The following ZNF93 variants were observed in gnomAD, a reference collection of about 807,000 sequenced individuals.
ZNF93 encodes the protein zinc finger protein 93, also known as zinc finger protein 505.
A neutral mutation model predicts 45.0 loss-of-function variants in ZNF93; 29 were observed. That is an observed-to-expected ratio of 0.64 (90% CI 0.48 to 0.88). The LOEUF (loss-of-function observed/expected upper bound fraction) is 0.88, where lower values mean the gene tolerates loss of function less well. ZNF93 is among the 40% of genes least tolerant of loss of function. ZNF93 has a pLI of 0.00. For missense variants in ZNF93, 578 were observed against 724.0 expected (o/e 0.80, Z 2.31); for synonymous variants, 223 against 244.6 (o/e 0.91, Z 0.82).
intron 3 of ZNF93, among the ~76,000 whole-genome samples, chr19:19,928,024 G>A (rs1052107158): frequency 1.3e-5 from 2 of 152,180 alleles, no homozygotes; most frequent in Non-Finnish European, 2.9e-5. Context: ...TAGGATTACA[G>A]GCTTGAGACA....
rs781115273 is a variant in ZNF93, at chr19:19,934,256, T to C, written c.1301T>C (p.Phe434Ser). Residue 434 changes from phenylalanine to serine, a missense_variant, in exon 4 of 4, where the codon TTT (phenylalanine) becomes TCT (serine). Physicochemically the swap from Phe to Ser is radical, Grantham distance 155. This residue lies in a region of ZNF93 where 446 missense variants were observed against 547.6 expected (regional missense o/e 0.81). Coordinates refer to ENST00000343769, the MANE Select transcript of ZNF93 (RefSeq NM_031218.4). The stretch of plus-strand genomic sequence containing the variant: ...AAATGTGAAGAATGTGGCAAAGCCT[T>C]TGTTGCATCCTCAACCCTTAGTAAA... ...PYKCEECGKAFVASSTLSKHE... is the reference protein window; with the variant it reads ...PYKCEECGKASVASSTLSKHE... 2 of 1,612,644 alleles carry C rather than the reference T, an allele frequency of 1.2e-6. No homozygotes were observed. Among genetic ancestry groups the C allele is most frequent in the African/African-American group, 2.7e-5 (2 of 74,888 alleles).
At chr19:19,901,115 C>T in intron 1 of ZNF93, 24 bp downstream of exon 1, 3 of 1,613,380 alleles carry the variant, frequency 1.9e-6, no homozygotes, top group Non-Finnish European at 2.5e-6. Context: ...TCCGACATCC[C>T]AAGCGACGGG....
At chr19:19,932,928 C>T (rs974156225) in intron 3 of ZNF93, 1 of 250,240 alleles carries the variant, frequency 4.0e-6, no homozygotes, top group Non-Finnish European at 7.5e-6. Context: ...GCAGTAAAGA[C>T]ATCTTCAAAA....
chr19:19,912,283 T>A (rs1304193005), intron 1 of ZNF93, among the ~76,000 whole-genome samples: 3 of 152,134 alleles, frequency 2.0e-5, no homozygotes, highest in African/African-American at 7.2e-5. Flanking sequence ...AGAACAGAAT[T>A]CTACATAGGG....
Position 19,934,642 on chromosome 19 carries a change from A to G in ZNF93, c.1687A>G (p.Lys563Glu). ...ACATAAGATACTTCATACTGGAGAG[A>G]AACCTTATAGATGTAGAGAATGTGG... is the stretch of plus-strand genomic sequence containing the variant. ...TTHKILHTGE[K>E]PYRCRECGKA... is the part of the protein sequence containing the mutation. The change falls in exon 4 of 4, where the codon AAA (lysine) becomes GAA (glutamate). Residue 563 changes from lysine (K) to glutamate (E), a missense_variant. Around this residue, in one of 3 missense-constraint regions of ZNF93, gnomAD observed 119 missense variants for 123.1 expected, o/e 0.97. Coordinates refer to ENST00000343769, the MANE Select transcript of ZNF93 (RefSeq NM_031218.4). The G allele has an allele frequency of 6.2e-7, 1 of 1,613,780 alleles. No individual in the cohort carries two copies. The highest frequency in any genetic ancestry group is 8.5e-7 in the Non-Finnish European group (1 of 1,179,898).
At chr19:19,930,047 A>G (rs2063368708) in intron 3 of ZNF93, among the ~76,000 whole-genome samples, 1 of 151,856 alleles carries the variant, frequency 6.6e-6, no homozygotes, top group South Asian at 2.1e-4. Flanking sequence ...GTGGAGACCG[A>G]TAGTGGCCCC....
At chr19:19,911,052 G>A (rs10423312) in intron 1 of ZNF93, among the ~76,000 whole-genome samples, 5,779 of 152,208 alleles carry the variant, frequency 0.038, 301 homozygotes, top group African/African-American at 0.12. Context: ...GTGAGAGATC[G>A]GGGCCACAAA....
intron 1 of ZNF93, among the ~76,000 whole-genome samples, chr19:19,910,622 C>CT (rs1377941471): frequency 2.0e-5 from 3 of 150,210 alleles, no homozygotes; most frequent in African/African-American, 7.4e-5. Context: ...CCCAAGTAAA[C>CT]TATCTACTTA....
chr19:19,930,111 A>G (rs868047696), intron 3 of ZNF93, among the ~76,000 whole-genome samples: 1 of 151,986 alleles, frequency 6.6e-6, no homozygotes, highest in African/African-American at 2.4e-5. Context: ...GGGCAGGGTA[A>G]AGAGTGTGAG....
intron 3 of ZNF93, among the ~76,000 whole-genome samples, chr19:19,924,327 A>C (rs1235727905): frequency 6.6e-6 from 1 of 151,904 alleles, no homozygotes; most frequent in Non-Finnish European, 1.5e-5. Flanking sequence ...CTGACCTTAG[A>C]TGATCCGCCC....
Position 19,915,294 on chromosome 19 carries a change from T to C in ZNF93, c.18T>C (p.Phe6=). 6.2e-7 allele frequency: 1 copy of C among 1,613,854 alleles called. No homozygotes were observed. The highest frequency in any genetic ancestry group is 1.1e-5 in the South Asian group (1 of 91,076). ...GTGTTTTTCAGGGACCATTGCAATTTAGAGATGTGGCCATAGAATTCTCTC... is the reference window on the plus strand; with the variant it reads ...GTGTTTTTCAGGGACCATTGCAATTCAGAGATGTGGCCATAGAATTCTCTC... MGPLQ[F]RDVAIEFSLE... is the part of the protein sequence containing the mutation. The change falls in exon 2 of 4, where the codon TTT becomes TTC. Residue 6 remains phenylalanine (F), a synonymous_variant. Coordinates refer to ENST00000343769, the MANE Select transcript of ZNF93 (RefSeq NM_031218.4).
intron 3 of ZNF93, among the ~76,000 whole-genome samples, chr19:19,929,104 C>T (rs1040085112): frequency 6.6e-6 from 1 of 152,130 alleles, no homozygotes; most frequent in African/African-American, 2.4e-5. Context: ...TACACTGTAT[C>T]AATTCAAATA....
At chr19:19,930,058 G>A (rs2074412679) in intron 3 of ZNF93, among the ~76,000 whole-genome samples, 1 of 151,372 alleles carries the variant, frequency 6.6e-6, no homozygotes, top group Non-Finnish European at 1.5e-5. Flanking sequence ...TAGTGGCCCC[G>A]AATGTCTGGC....
chr19:19,911,629 A>G (rs2122168603), intron 1 of ZNF93, among the ~76,000 whole-genome samples: 1 of 152,332 alleles, frequency 6.6e-6, no homozygotes, highest in Admixed American at 6.5e-5. Flanking sequence ...AGTGTGCATC[A>G]TATGGTTGGT....
chr19:19,926,633 G>C (rs896221435), intron 3 of ZNF93, among the ~76,000 whole-genome samples: 1 of 147,742 alleles, frequency 6.8e-6, no homozygotes, highest in Non-Finnish European at 1.5e-5. Context: ...GATTACAGGT[G>C]TGAGCCACTG....
intron 1 of ZNF93, among the ~76,000 whole-genome samples, chr19:19,902,991 G>A (rs1174502688): frequency 1.3e-5 from 2 of 151,962 alleles, no homozygotes; most frequent in Non-Finnish European, 2.9e-5. Flanking sequence ...CACCCGCCTC[G>A]GCCTCCCAAA....
At chr19:19,931,070 C>T (rs967283219) in intron 3 of ZNF93, among the ~76,000 whole-genome samples, 1 of 151,116 alleles carries the variant, frequency 6.6e-6, no homozygotes, top group African/African-American at 2.4e-5. Context: ...TAAAGTAAGT[C>T]CCTTGTAGGC....
chr19:19,907,526 T>C (rs1439695686), intron 1 of ZNF93, among the ~76,000 whole-genome samples: 1 of 150,408 alleles, frequency 6.6e-6, no homozygotes, highest in African/African-American at 2.5e-5. Context: ...TGCATTCATA[T>C]AAATTTAACA....
At chr19:19,921,629 G>A (rs2063342720) in intron 3 of ZNF93, among the ~76,000 whole-genome samples, 1 of 152,112 alleles carries the variant, frequency 6.6e-6, no homozygotes, top group Non-Finnish European at 1.5e-5. Flanking sequence ...GGGTGCTCCT[G>A]TATTGGGTGC....
Sources: allele counts gnomAD v4.1 joint callset (sites outside exome capture counted in the v4.1 genomes callset), GRCh38; gene constraint gnomAD v4.1.1; regional missense constraint gnomAD v4.1.1; transcripts MANE v1.5; gene names NCBI Gene and HGNC (gene_info 2026-07-23, HGNC 2026-07-21).